Variants in P3H2 observed in about 807,000 individuals in gnomAD.
P3H2 encodes the protein leprecan-like 1.
Under a neutral mutation model 87.0 loss-of-function variants are expected in P3H2, and 80 were observed. The observed-to-expected ratio is 0.92, with a 90% CI of 0.77 to 1.11. The LOEUF (loss-of-function observed/expected upper bound fraction) is 1.11, where lower values mean the gene tolerates loss of function less well. Ranked by LOEUF, P3H2 falls within the 50% of genes least tolerant of loss-of-function variation. The pLI is 0.00. For synonymous variants in P3H2, 367 were observed against 359.3 expected, an observed-to-expected ratio of 1.02 and a Z score of -0.24; for missense variants, 1,001 against 923.9, an observed-to-expected ratio of 1.08 and a Z score of -1.08.
intron 13 of P3H2, among the ~76,000 whole-genome samples, 191 bp from the exon 14 acceptor site, chr3:189,964,289 A>G (rs1009084362): frequency 6.6e-6 from 1 of 152,352 alleles, no homozygotes. Flanking sequence ...AAAATAATAT[A>G]TACCTCAGAA....
At chr3:190,115,387 AT>A (rs143076673) in intron 1 of P3H2, among the ~76,000 whole-genome samples, 27 of 148,942 alleles carry the variant, frequency 1.8e-4, no homozygotes, top group South Asian at 4.3e-4. Context: ...AATAAACAGC[AT>A]TTTTTTTTCC....
chr3:189,977,741 T>C (rs567465551), intron 8 of P3H2, among the ~76,000 whole-genome samples: 17 of 151,952 alleles, frequency 1.1e-4, no homozygotes, highest in Middle Eastern at 3.4e-3. Flanking sequence ...GCTGGGACTA[T>C]AGGCACGCAC....
At chr3:190,089,225 G>A (rs6444418) in intron 1 of P3H2, among the ~76,000 whole-genome samples, 53,299 of 149,082 alleles carry the variant, frequency 0.36, 9,615 homozygotes, top group African/African-American at 0.45. Context: ...GTCGTGGGGC[G>A]GGGGAAGCGG....
intron 1 of P3H2, among the ~76,000 whole-genome samples, chr3:190,023,741 A>C (rs1254446545): frequency 6.6e-6 from 1 of 152,228 alleles, no homozygotes; most frequent in African/African-American, 2.4e-5. Context: ...ATTTAAAAGC[A>C]TTGTGCAAGT....
intron 1 of P3H2, among the ~76,000 whole-genome samples, chr3:190,117,781 C>T (rs750364910): frequency 4.6e-5 from 7 of 151,826 alleles, no homozygotes; most frequent in Non-Finnish European, 7.4e-5. Context: ...AGAGAAAAAC[C>T]ATGATGCAGT....
chr3:189,971,599 A>G (rs1723179950), intron 12 of P3H2: 1 of 388,516 alleles, frequency 2.6e-6, no homozygotes, highest in Non-Finnish European at 4.9e-6. Flanking sequence ...ACCACAAGGA[A>G]TATGTTCCAG....
intron 14 of P3H2, 43 bp downstream of exon 14, chr3:189,963,915 T>C (rs1468324823): frequency 1.9e-6 from 3 of 1,611,984 alleles, no homozygotes; most frequent in Non-Finnish European, 2.5e-6. Context: ...AAGCAGTTCA[T>C]GAAGCAAGCC....
chr3:189,992,019 A>G (rs1723893350), intron 3 of P3H2, among the ~76,000 whole-genome samples: 1 of 152,144 alleles, frequency 6.6e-6, no homozygotes, highest in African/African-American at 2.4e-5. Flanking sequence ...ATCATATGGG[A>G]ATAGGAATTA....
intron 1 of P3H2, among the ~76,000 whole-genome samples, chr3:190,119,960 A>C (rs1468186142): frequency 6.6e-6 from 1 of 152,072 alleles, no homozygotes; most frequent in East Asian, 1.9e-4. Context: ...CAGCTTTGTC[A>C]ATGCCTCATG....
chr3:190,046,218 C>T (rs1045577881), intron 1 of P3H2, among the ~76,000 whole-genome samples: 2 of 152,022 alleles, frequency 1.3e-5, no homozygotes, highest in African/African-American at 4.8e-5. Flanking sequence ...TCGTGTATGC[C>T]GTTTCCTTGC....
chr3:189,996,298 A>C (rs1191285162), intron 1 of P3H2, among the ~76,000 whole-genome samples: 1 of 152,194 alleles, frequency 6.6e-6, no homozygotes, highest in African/African-American at 2.4e-5. Context: ...ATGAAATCCC[A>C]TCATTTGCAA....
chr3:189,957,627 G>A lies in P3H2; in HGVS notation c.*285C>T, dbSNP rs1722677268. On this transcript the variant is annotated 3_prime_UTR_variant, in exon 15 of 15. Coordinates refer to ENST00000319332, the MANE Select transcript of P3H2 (RefSeq NM_018192.4). ...CTGAGCCTAAGAGTTTGAGGCTCCA[G>A]TGTGCTATCATCACATCTGTGAATA... 2.1e-6 allele frequency: 1 copy of A among 471,198 alleles called. No homozygotes were observed. The highest frequency in any genetic ancestry group is 3.8e-6 in the Non-Finnish European group (1 of 263,558). The allele number at this position is 471,198 out of a possible 1,614,324, so 29.2% of individuals were successfully genotyped here.
chr3:190,030,256 G>A (rs977246736), intron 1 of P3H2, among the ~76,000 whole-genome samples: 3 of 152,120 alleles, frequency 2.0e-5, no homozygotes, highest in Non-Finnish European at 4.4e-5. Flanking sequence ...ACTGAGATAT[G>A]AAAAATTAAA....
At chr3:189,982,410 G>C (rs1723564782) in intron 8 of P3H2, among the ~76,000 whole-genome samples, 1 of 152,098 alleles carries the variant, frequency 6.6e-6, no homozygotes, top group African/African-American at 2.4e-5. Flanking sequence ...AACAATGCTT[G>C]GCTCTACTTA....
At chr3:190,047,528 AG>A (rs1725844031) in intron 1 of P3H2, among the ~76,000 whole-genome samples, 1 of 152,236 alleles carries the variant, frequency 6.6e-6, no homozygotes, top group African/African-American at 2.4e-5. Context: ...TAAACATAAG[AG>A]TTCCTGCAAA....
intron 1 of P3H2, among the ~76,000 whole-genome samples, chr3:190,000,721 T>C (rs1284548884): frequency 1.3e-5 from 2 of 152,166 alleles, no homozygotes; most frequent in African/African-American, 4.8e-5. Flanking sequence ...AAAGGCTTGA[T>C]GTGTTTTCAA....
At position 190,076,059 on chromosome 3, in the gene P3H2, T is replaced by A. The variant is rs115851230; in HGVS notation, c.480+44193A>T. ...CCTGAATTGGGCAGATTTCATTTCG[T>A]CTATTTAGTTCATATATTGGACAAA... On this transcript the variant is annotated intron_variant, in intron 1 of 14. Coordinates refer to ENST00000319332, the MANE Select transcript of P3H2 (RefSeq NM_018192.4). 4.5e-3 allele frequency among the ~76,000 whole-genome samples: 689 copies of A among 152,146 alleles called. 7 individuals carry two copies. Among genetic ancestry groups the A allele is most frequent in the African/African-American group, 0.016 (644 of 41,522 alleles).
chr3:190,066,158 T>TACACACAC (rs796289092), intron 1 of P3H2, among the ~76,000 whole-genome samples: 6 of 134,576 alleles, frequency 4.5e-5, no homozygotes, highest in African/African-American at 1.2e-4. Context: ...TATATATATA[T>TACACACAC]ACACACACAC....
intron 1 of P3H2, among the ~76,000 whole-genome samples, chr3:190,091,420 T>G (rs998716202): frequency 1.3e-5 from 2 of 152,252 alleles, no homozygotes; most frequent in Non-Finnish European, 2.9e-5. Flanking sequence ...TCTGCATAAT[T>G]CATAGTTAAT....
Sources: gnomAD v4.1 joint callset for allele counts (sites outside exome capture counted in the v4.1 genomes callset) on GRCh38, gnomAD v4.1.1 for gene constraint, MANE v1.5 for transcripts, NCBI Gene and HGNC (gene_info 2026-07-23, HGNC 2026-07-21) for gene names.